Variants in DLEU7 observed in about 807,000 individuals in gnomAD.
DLEU7 encodes deleted in lymphocytic leukemia 7.
Under a neutral mutation model 16.0 loss-of-function variants are expected in DLEU7, and 17 were observed. The observed-to-expected ratio is 1.06, with a 90% CI of 0.73 to 1.59. The LOEUF is 1.59. DLEU7 is among the 40% of genes most tolerant of loss of function. DLEU7 has a pLI of 0.00. For missense variants in DLEU7, 308 were observed against 314.9 expected, an observed-to-expected ratio of 0.98 and a Z score of 0.17; for synonymous variants, 113 against 139.8, an observed-to-expected ratio of 0.81 and a Z score of 1.35.
At chr13:50,733,854 A>G (rs1049432239) in intron 1 of DLEU7, among the ~76,000 whole-genome samples, 9 of 152,328 alleles carry the variant, frequency 5.9e-5, no homozygotes, top group African/African-American at 2.2e-4. Context: ...CATTTTGCAG[A>G]TAAGGACACT....
At chr13:50,816,712 A>G (rs1011858375) in intron 1 of DLEU7, among the ~76,000 whole-genome samples, 1 of 152,066 alleles carries the variant, frequency 6.6e-6, no homozygotes, top group African/African-American at 2.4e-5. Flanking sequence ...GGAGAACTAT[A>G]TTTTTTCATA....
At chr13:50,756,464 C>T (rs1460355248) in intron 1 of DLEU7, among the ~76,000 whole-genome samples, 2 of 152,130 alleles carry the variant, frequency 1.3e-5, no homozygotes, top group Non-Finnish European at 2.9e-5. Flanking sequence ...ATGGCTGCCT[C>T]TGCTGAGTCA....
At chr13:50,732,606 C>CAAAAAAAAAAAAAAAAA (rs58395582) in intron 1 of DLEU7, among the ~76,000 whole-genome samples, 6 of 65,936 alleles carry the variant, frequency 9.1e-5, no homozygotes, top group Non-Finnish European at 1.3e-4. Context: ...GACTCCATCT[C>CAAAAAAAAAAAAAAAAA]AAAAAAAAAA....
intron 1 of DLEU7, among the ~76,000 whole-genome samples, chr13:50,827,790 G>A (rs1877138394): frequency 6.6e-6 from 1 of 152,096 alleles, no homozygotes; most frequent in Non-Finnish European, 1.5e-5. Flanking sequence ...CACTAAAAAA[G>A]ATAGTAGTAA....
intron 1 of DLEU7, among the ~76,000 whole-genome samples, chr13:50,741,960 G>A (rs1471255015): frequency 6.6e-6 from 1 of 152,086 alleles, no homozygotes; most frequent in Non-Finnish European, 1.5e-5. Flanking sequence ...ATGTATTGCA[G>A]CCAAATTTAC....
chr13:50,842,858 A>G (rs1239469379), intron 1 of DLEU7, among the ~76,000 whole-genome samples: 1 of 152,156 alleles, frequency 6.6e-6, no homozygotes, highest in Non-Finnish European at 1.5e-5. Flanking sequence ...CTCTATCCCT[A>G]CAAGCTGCAC....
At chr13:50,751,062 G>A (rs192772670) in intron 1 of DLEU7, among the ~76,000 whole-genome samples, 3 of 152,258 alleles carry the variant, frequency 2.0e-5, no homozygotes, top group African/African-American at 2.4e-5. Flanking sequence ...TATTACGTTG[G>A]CTGTGGGTTT....
In DLEU7 at chr13:50,843,340, A is replaced by G. The variant is rs1218432873; in HGVS notation, c.307T>C (p.Phe103Leu). 9 of 1,473,090 alleles carry G rather than the reference A, an allele frequency of 6.1e-6. No homozygotes were observed. The highest frequency in any genetic ancestry group is 7.2e-6 in the Non-Finnish European group (8 of 1,113,540). The allele number at this position is 1,473,090 out of a possible 1,614,324, so 91.3% of individuals were successfully genotyped here. Residue 103 changes from phenylalanine (F) to leucine (L), a missense_variant, in exon 1 of 2, where the codon TTC becomes CTC. Coordinates refer to ENST00000504404, the MANE Select transcript of DLEU7 (RefSeq NM_001306135.2). The surrounding 1 kb of genome is among the most constrained non-coding windows in gnomAD (Gnocchi z 5.7). ...GAEGGAELLP[F>L]PRDRGPCTLA... ...GTGCAGGGCCCGCGGTCCCGGGGGA[A>G]GGGCAGCAACTCGGCGCCCCCCTCA...
chr13:50,718,851 C>G (rs1873512116), intron 1 of DLEU7, among the ~76,000 whole-genome samples: 1 of 152,158 alleles, frequency 6.6e-6, no homozygotes, highest in African/African-American at 2.4e-5. Context: ...AGGACTTTCC[C>G]TAATTGTGCA....
intron 1 of DLEU7, among the ~76,000 whole-genome samples, chr13:50,779,633 C>G (rs1055500731): frequency 3.9e-5 from 6 of 152,142 alleles, no homozygotes; most frequent in Non-Finnish European, 8.8e-5. Flanking sequence ...TCAAGAGGTG[C>G]AATCCCTTCT....
intron 1 of DLEU7, among the ~76,000 whole-genome samples, chr13:50,769,369 C>T (rs562260644): frequency 2.1e-3 from 320 of 152,194 alleles, no homozygotes; most frequent in African/African-American, 7.5e-3. Flanking sequence ...GCCCATGGCT[C>T]TGTCCTGAAT....
downstream of DLEU7, among the ~76,000 whole-genome samples, chr13:50,818,250 T>C (rs1348529087): frequency 1.3e-5 from 2 of 152,052 alleles, no homozygotes; most frequent in Non-Finnish European, 2.9e-5. Context: ...GGAAAAGCAC[T>C]ACATGGGAAA....
chr13:50,771,960 C>T (rs1875328891), intron 1 of DLEU7, among the ~76,000 whole-genome samples: 1 of 152,098 alleles, frequency 6.6e-6, no homozygotes, highest in Non-Finnish European at 1.5e-5. Flanking sequence ...GTATTGGGTG[C>T]ATATATATTT....
chr13:50,776,434 A>G lies in DLEU7; in HGVS notation c.460-63194T>C, dbSNP rs140218820. Reference sequence around the variant, plus strand: ...TGTGAGCTCTTTTCCAACCACAGTCAGGGCTAAAATAGCTAATTCCCTGAC... The same window carrying G: ...TGTGAGCTCTTTTCCAACCACAGTCGGGGCTAAAATAGCTAATTCCCTGAC... On this transcript the variant is annotated intron_variant, in intron 1 of 1. Coordinates refer to the DLEU7 transcript ENST00000400393. Among the ~76,000 whole-genome samples, 984 of 152,326 alleles carry G rather than the reference A, an allele frequency of 6.5e-3. 72 individuals carry two copies. The South Asian group carries it at 0.15, about 23-fold the overall frequency.
chr13:50,722,225 G>A (rs933079006), intron 1 of DLEU7, among the ~76,000 whole-genome samples: 3 of 152,210 alleles, frequency 2.0e-5, no homozygotes, highest in African/African-American at 4.8e-5. Flanking sequence ...TAAGGTGGAA[G>A]GGATGATGTC....
At chr13:50,821,744 A>G (rs766211218), downstream of DLEU7, among the ~76,000 whole-genome samples, 3 of 152,094 alleles carry the variant, frequency 2.0e-5, no homozygotes, top group Non-Finnish European at 4.4e-5. Context: ...AAAAAAAACA[A>G]AAAACCTTAA....
At chr13:50,822,054 G>A (rs879285271), downstream of DLEU7, among the ~76,000 whole-genome samples, 1 of 151,366 alleles carries the variant, frequency 6.6e-6, no homozygotes, top group Admixed American at 6.6e-5. Flanking sequence ...GTACACACAT[G>A]AGCGCACACA....
In DLEU7 at chr13:50,799,796, C is replaced by T. The variant is rs184315579; in HGVS notation, c.459+43392G>A. 1.0e-3 allele frequency among the ~76,000 whole-genome samples: 157 copies of T among 152,266 alleles called. 1 individual carries two copies. The highest frequency in any genetic ancestry group is 3.5e-3 in the African/African-American group (146 of 41,570). ...CTTTCTATTTAGATACTTCTCTTTC[C>T]TCTGCTTATGTTGGAGTCTTACTCT... On this transcript the variant is annotated intron_variant, in intron 1 of 1. Transcript: ENST00000400393.
intron 1 of DLEU7, among the ~76,000 whole-genome samples, chr13:50,750,052 A>AT (rs1874519472): frequency 1.3e-5 from 2 of 152,136 alleles, no homozygotes; most frequent in South Asian, 4.1e-4. Flanking sequence ...ATCTTCTAGA[A>AT]TTTTTATAGT....
Sources: allele counts gnomAD v4.1 joint callset (sites outside exome capture counted in the v4.1 genomes callset), GRCh38; gene constraint gnomAD v4.1.1; non-coding constraint Gnocchi (gnomAD v3.1); transcripts MANE v1.5; gene names NCBI Gene and HGNC (gene_info 2026-07-23, HGNC 2026-07-21).